Variants in CDK6 observed in about 807,000 individuals in gnomAD.
CDK6 encodes cyclin dependent kinase 6.
CDK6 carries 6 observed loss-of-function variants against 37.1 expected under a neutral mutation model. The observed-to-expected ratio is 0.16, with a 90% confidence interval of 0.09 to 0.32. The LOEUF (loss-of-function observed/expected upper bound fraction) is 0.32, where lower values mean the gene tolerates loss of function less well. CDK6 is among the 10% of genes least tolerant of loss of function. The probability of loss-of-function intolerance (pLI) is 1.00; values close to 1 mark genes in which losing one functional copy is unlikely to be tolerated. For synonymous variants in CDK6, 160 were observed against 161.3 expected (o/e 0.99, Z 0.06); for missense variants, 224 against 418.9 (o/e 0.53, Z 4.06).
intron 2 of CDK6, among the ~76,000 whole-genome samples, chr7:92,820,579 G>A (rs1428306854): frequency 6.6e-6 from 1 of 152,038 alleles, no homozygotes; most frequent in Non-Finnish European, 1.5e-5. Flanking sequence ...CTTACTAAAT[G>A]GAGAATCAAG....
At chr7:92,616,607 A>G (rs1795684002) in intron 7 of CDK6, among the ~76,000 whole-genome samples, 4 of 152,232 alleles carry the variant, frequency 2.6e-5, no homozygotes. Flanking sequence ...AAGCAGGGGC[A>G]AAATTCCTGA....
chr7:92,673,464 T>C (rs1442272072), intron 4 of CDK6, among the ~76,000 whole-genome samples: 1 of 152,088 alleles, frequency 6.6e-6, no homozygotes, highest in African/African-American at 2.4e-5. Flanking sequence ...ATAATAGAAA[T>C]AAAAAACAAA....
chr7:92,655,467 T>G (rs1041044354), intron 5 of CDK6, among the ~76,000 whole-genome samples: 3 of 152,234 alleles, frequency 2.0e-5, no homozygotes, highest in Non-Finnish European at 4.4e-5. Flanking sequence ...ACAAGTTTAT[T>G]GCATGCTGAT....
Position 92,835,992 on chromosome 7 carries a change from C to A in CDK6, c.-368+486G>T, listed in dbSNP as rs113061521. On this transcript the variant is annotated intron_variant, in intron 1 of 7. Transcript: ENST00000424848. This position sits in a 1 kb window ranked among gnomAD's most constrained non-coding sequence, Gnocchi z 4.2. ...ATCTCGTGGAGGGGAAGGTGGAGCC[C>A]ACACCCACACCTCAGCGAGCTGGAG... Among the ~76,000 whole-genome samples, 12 of 152,306 alleles carry A rather than the reference C, an allele frequency of 7.9e-5. No individual in the cohort carries two copies. Among genetic ancestry groups the A allele is most frequent in the African/African-American group, 2.9e-4 (12 of 41,556 alleles).
intron 4 of CDK6, among the ~76,000 whole-genome samples, chr7:92,721,001 G>A (rs780645795): frequency 5.9e-4 from 90 of 152,144 alleles, no homozygotes; most frequent in Non-Finnish European, 1.1e-3. Flanking sequence ...TTTCCAATGA[G>A]AACAAATGTA....
rs546349753 is a variant in CDK6 at position 92,642,895 on chromosome 7, A to AT, written c.648-19810dup. On this transcript the variant is annotated intron_variant, in intron 5 of 7. Coordinates refer to ENST00000424848, the MANE Select transcript of CDK6 (RefSeq NM_001145306.2). ...ACTTGAGACTCAGGCTGAAAAAAGA[A>AT]TTTTTTTTTTTTTTTTTGAGACAGG... Among the ~76,000 whole-genome samples the AT allele has an allele frequency of 4.2e-3, 593 of 142,544 alleles. 2 individuals are homozygous for AT. The highest frequency in any genetic ancestry group is 0.016 in the South Asian group (72 of 4,440). The allele number at this position is 142,544 out of a possible 152,430, so 93.5% of individuals were successfully genotyped here.
chr7:92,676,053 GTTTTA>G (rs1050641256), intron 4 of CDK6, among the ~76,000 whole-genome samples: 4 of 151,232 alleles, frequency 2.6e-5, no homozygotes, highest in Non-Finnish European at 4.4e-5. Context: ...GAGGATTATT[GTTTTA>G]TTTTATAATT....
intron 6 of CDK6, among the ~76,000 whole-genome samples, chr7:92,619,482 T>G (rs918289853): frequency 4.6e-5 from 7 of 151,986 alleles, no homozygotes; most frequent in African/African-American, 1.2e-4. Context: ...ACAAATAATT[T>G]TAACTACAGT....
Position 92,833,706 on chromosome 7 carries a change from G to C in CDK6, c.-367-16C>G. Reference sequence around the variant, plus strand: ...ATCATTGCACCTAAAGGAGGAGACGGGAGGATAAGAAGAAAGTGCAATCAG... The same window carrying C: ...ATCATTGCACCTAAAGGAGGAGACGCGAGGATAAGAAGAAAGTGCAATCAG... On this transcript the variant is annotated splice_polypyrimidine_tract_variant and intron_variant, in intron 1 of 7. Transcript: ENST00000424848. The surrounding 1 kb of genome is among the most constrained non-coding windows in gnomAD (Gnocchi z 6.1). 1 of 435,694 alleles carries C rather than the reference G, an allele frequency of 2.3e-6. No homozygotes were observed. Among genetic ancestry groups the C allele is most frequent in the Middle Eastern group, 5.7e-4 (1 of 1,754 alleles). 27.0% of individuals were successfully genotyped at this position (435,694 alleles called of 1,614,324 possible). A position where few individuals can be genotyped will look rare whatever the true frequency, so the allele number is the denominator to read the frequency against.
chr7:92,744,309 A>G (rs1799004006), intron 3 of CDK6, among the ~76,000 whole-genome samples: 1 of 152,218 alleles, frequency 6.6e-6, no homozygotes, highest in African/African-American at 2.4e-5. Context: ...GTTACATGGC[A>G]GCAGGGAAGA....
chr7:92,632,414 G>A (rs564566248), intron 5 of CDK6, among the ~76,000 whole-genome samples: 7 of 152,198 alleles, frequency 4.6e-5, no homozygotes, highest in Admixed American at 4.6e-4. Flanking sequence ...TCAATCATTG[G>A]TTAAAAATAG....
chr7:92,719,101 G>A (rs1780522061), intron 4 of CDK6, among the ~76,000 whole-genome samples: 1 of 152,216 alleles, frequency 6.6e-6, no homozygotes, highest in South Asian at 2.1e-4. Context: ...AATATCATCA[G>A]AGGCACAGGA....
At position 92,682,603 on chromosome 7, in the gene CDK6, C is replaced by T. The variant is rs557405478; in HGVS notation, c.538-11068G>A. 5.9e-5 allele frequency among the ~76,000 whole-genome samples: 9 copies of T among 152,258 alleles called. No individual in the cohort carries two copies. In the South Asian group the frequency reaches 1.9e-3, roughly 32 times the overall value. On this transcript the variant is annotated intron_variant, in intron 4 of 7. Coordinates refer to ENST00000424848, the MANE Select transcript of CDK6 (RefSeq NM_001145306.2). ...AAGTGGACTTTTAATCCCAGTCCCT[C>T]GCAGAGTGTTGTATAAAGCAAGCAT...
intron 5 of CDK6, among the ~76,000 whole-genome samples, chr7:92,668,628 T>C (rs542884185): frequency 1.3e-5 from 2 of 152,266 alleles, no homozygotes; most frequent in South Asian, 2.1e-4. Flanking sequence ...TTCCCTGATT[T>C]AGGATTAGCC....
intron 5 of CDK6, among the ~76,000 whole-genome samples, chr7:92,645,891 G>T (rs1796435320): frequency 6.6e-6 from 1 of 152,206 alleles, no homozygotes; most frequent in African/African-American, 2.4e-5. Context: ...TTTGTCCAAA[G>T]GTGTGGCTTT....
intron 4 of CDK6, among the ~76,000 whole-genome samples, chr7:92,717,337 G>T (rs1423390947): frequency 7.0e-6 from 1 of 142,768 alleles, no homozygotes; most frequent in Non-Finnish European, 1.5e-5. Context: ...GCAAGACCTG[G>T]TCAAGGAAAG....
intron 3 of CDK6, among the ~76,000 whole-genome samples, chr7:92,748,350 A>G (rs1799108646): frequency 4.6e-5 from 7 of 152,198 alleles, no homozygotes. Flanking sequence ...GCGGGCCATT[A>G]AAGGCTCCAT....
chr7:92,657,529 CT>C (rs1796724349), intron 5 of CDK6, among the ~76,000 whole-genome samples: 1 of 152,138 alleles, frequency 6.6e-6, no homozygotes, highest in Admixed American at 6.5e-5. Flanking sequence ...AAAAACTGGT[CT>C]GAAAAACTGC....
chr7:92,832,627 C>T (rs1361543968), intron 2 of CDK6, among the ~76,000 whole-genome samples: 1 of 152,154 alleles, frequency 6.6e-6, no homozygotes, highest in Non-Finnish European at 1.5e-5. Flanking sequence ...ACACTTGGCT[C>T]CACCCATAAA....
Sources: allele counts gnomAD v4.1 joint callset (sites outside exome capture counted in the v4.1 genomes callset), GRCh38; gene constraint gnomAD v4.1.1; non-coding constraint Gnocchi (gnomAD v3.1); transcripts MANE v1.5; gene names NCBI Gene and HGNC (gene_info 2026-07-23, HGNC 2026-07-21).